Variants in ITGB5 observed in about 807,000 individuals in gnomAD.
ITGB5 encodes integrin subunit beta 5, also known as integrin beta-5.
A neutral mutation model predicts 84.8 loss-of-function variants in ITGB5; 38 were observed. The observed-to-expected ratio is 0.45, with a 90% CI of 0.35 to 0.59. The LOEUF is 0.59. Among genes scored for constraint, ITGB5 ranks in the 20% least tolerant of loss-of-function variants. The pLI is 0.01. For missense variants in ITGB5, 905 were observed against 1,034.5 expected (o/e 0.87, Z 1.72); for synonymous variants, 393 against 414.4 (o/e 0.95, Z 0.63).
chr3:124,811,351 A>G (rs1249764751), intron 8 of ITGB5, among the ~76,000 whole-genome samples: 1 of 152,234 alleles, frequency 6.6e-6, no homozygotes. Context: ...CAGGCCAAGT[A>G]GATGAAAATA....
At chr3:124,891,815 G>T (rs1029565527), upstream of ITGB5, among the ~76,000 whole-genome samples, 2 of 151,918 alleles carry the variant, frequency 1.3e-5, no homozygotes, top group Non-Finnish European at 2.9e-5. Flanking sequence ...CCAGCTACTT[G>T]GGAGGCTGAG....
rs953484591 is a variant in ITGB5, at chr3:124,763,291, C to T, written c.*332G>A. The T allele has an allele frequency of 1.7e-4, 38 of 218,612 alleles. No individual in the cohort carries two copies. The highest frequency in any genetic ancestry group is 3.1e-4 in the Non-Finnish European group (34 of 109,340). 13.5% of individuals were successfully genotyped at this position (218,612 alleles called of 1,614,324 possible). On this transcript the variant is annotated 3_prime_UTR_variant, in exon 15 of 15. Coordinates refer to ENST00000296181, the MANE Select transcript of ITGB5 (RefSeq NM_002213.5). ...TTCTTGTCTGGCCAGGCTGGGGGCC[C>T]AGCATTCCTGGAAGGGAGAGACAGC...
intron 5 of ITGB5, among the ~76,000 whole-genome samples, chr3:124,834,374 A>C (rs545716225): frequency 1.3e-5 from 2 of 151,138 alleles, no homozygotes; most frequent in East Asian, 3.9e-4. Context: ...TTTTGCTATG[A>C]ACCTAAAACT....
intron 4 of ITGB5, among the ~76,000 whole-genome samples, chr3:124,846,896 C>T (rs1234621433): frequency 3.3e-5 from 5 of 152,172 alleles, no homozygotes; most frequent in African/African-American, 9.7e-5. Flanking sequence ...GATTGCACCA[C>T]TGCACTCCAG....
In ITGB5 at chr3:124,793,376, A is replaced by T. The variant is rs551364560; in HGVS notation, c.1693+3012T>A. On this transcript the variant is annotated intron_variant, in intron 10 of 14. Transcript: ENST00000296181. ...TCTCTTTAAAAGAAAAACTGCTAAAAAGCCTGCCAGGCTGCTTAGAGCTTT... is the reference window on the plus strand; with the variant it reads ...TCTCTTTAAAAGAAAAACTGCTAAATAGCCTGCCAGGCTGCTTAGAGCTTT... Among the ~76,000 whole-genome samples the T allele has an allele frequency of 1.7e-3, 263 of 152,292 alleles. 1 individual carries two copies. The highest frequency in any genetic ancestry group is 2.4e-3 in the Non-Finnish European group (161 of 68,022).
At chr3:124,839,048 A>G (rs2064977371) in intron 5 of ITGB5, among the ~76,000 whole-genome samples, 1 of 152,250 alleles carries the variant, frequency 6.6e-6, no homozygotes, top group Non-Finnish European at 1.5e-5. Context: ...ATGTCAAGTG[A>G]GAAATAAATT....
At chr3:124,784,424 G>C (rs1487352871) in intron 10 of ITGB5, among the ~76,000 whole-genome samples, 2 of 152,204 alleles carry the variant, frequency 1.3e-5, no homozygotes, top group Non-Finnish European at 2.9e-5. Context: ...AGGATAGCTT[G>C]AGCCCAGGAG....
intron 12 of ITGB5, 51 bp downstream of exon 12, chr3:124,768,961 TC>T: frequency 6.9e-7 from 1 of 1,446,386 alleles, no homozygotes; most frequent in Non-Finnish European, 9.7e-7. Context: ...ACTACCCTCC[TC>T]CCCAGGAAGG....
intron 2 of ITGB5, among the ~76,000 whole-genome samples, chr3:124,867,236 A>G (rs2065405025): frequency 6.6e-6 from 1 of 151,846 alleles, no homozygotes; most frequent in African/African-American, 2.4e-5. Flanking sequence ...GTCTTCTCCC[A>G]TGCCCGACCC....
chr3:124,809,090 C>A lies in ITGB5; in HGVS notation c.1195G>T (p.Ala399Ser). The A allele has an allele frequency of 6.2e-7, 1 of 1,614,030 alleles. No homozygotes were observed. Among genetic ancestry groups the A allele is most frequent in the Non-Finnish European group, 8.5e-7 (1 of 1,179,934 alleles). The change falls in exon 9 of 15, where the codon GCT (alanine) becomes TCT (serine). Residue 399 changes from alanine (A) to serine (S), a missense_variant. Physicochemically the swap from Ala to Ser is moderately conservative, Grantham distance 99. This residue lies in a region of ITGB5 where 656 missense variants were observed against 734.7 expected (regional missense o/e 0.89). Coordinates refer to ENST00000296181, the MANE Select transcript of ITGB5 (RefSeq NM_002213.5). ...QPEDLNLFFT[A>S]TCQDGVSYPG... is the part of the protein sequence containing the mutation. ...TAGGATACCCCATCTTGGCAGGTAG[C>A]AGTAAAGAAGAGATTAAGATCCTCA...
At chr3:124,867,423 A>G (rs1210405843) in intron 2 of ITGB5, among the ~76,000 whole-genome samples, 4 of 152,220 alleles carry the variant, frequency 2.6e-5, no homozygotes, top group Admixed American at 1.3e-4. Context: ...AACTTCTGCA[A>G]ACCCTAAGTG....
chr3:124,846,692 G>C (rs1039489531), intron 4 of ITGB5, among the ~76,000 whole-genome samples: 1 of 152,150 alleles, frequency 6.6e-6, no homozygotes, highest in African/African-American at 2.4e-5. Context: ...CCAGCACTTT[G>C]GGAGGCTGAG....
At chr3:124,818,026 T>G (rs1428641771) in intron 7 of ITGB5, among the ~76,000 whole-genome samples, 2 of 151,912 alleles carry the variant, frequency 1.3e-5, no homozygotes, top group Non-Finnish European at 2.9e-5. Context: ...AAAGCCCATC[T>G]TCTAAGGTCG....
intron 9 of ITGB5, among the ~76,000 whole-genome samples, chr3:124,805,092 TTCTC>T (rs533399464): frequency 8.9e-5 from 13 of 145,560 alleles, no homozygotes; most frequent in South Asian, 4.6e-4. Context: ...GTTTCTTTCT[TTCTC>T]TCTCTCTCTC....
chr3:124,792,846 T>C (rs186867714), intron 10 of ITGB5: 1 of 152,236 alleles, frequency 6.6e-6, no homozygotes, highest in East Asian at 1.9e-4. Flanking sequence ...CAGGATTAAC[T>C]TAGGATTGTG....
chr3:124,828,147 A>G (rs1186123770), intron 5 of ITGB5, among the ~76,000 whole-genome samples: 2 of 152,204 alleles, frequency 1.3e-5, no homozygotes, highest in Non-Finnish European at 2.9e-5. Flanking sequence ...TTTCTTAAAA[A>G]GTTAAAGACC....
At chr3:124,764,704 A>C in intron 13 of ITGB5, 147 bp from the exon 14 acceptor site, 1 of 705,660 alleles carries the variant, frequency 1.4e-6, no homozygotes, top group South Asian at 2.3e-5. Context: ...GGGTTTCCCC[A>C]ATGTACAAAA....
intron 1 of ITGB5, among the ~76,000 whole-genome samples, chr3:124,873,986 C>T (rs1470451934): frequency 6.6e-6 from 1 of 151,514 alleles, no homozygotes; most frequent in African/African-American, 2.4e-5. Context: ...CTGAAAGAAG[C>T]CATGCATCCC....
At chr3:124,856,435 G>T (rs2065223601) in intron 3 of ITGB5, among the ~76,000 whole-genome samples, 1 of 152,200 alleles carries the variant, frequency 6.6e-6, no homozygotes, top group Admixed American at 6.5e-5. Flanking sequence ...AGCTATTCTA[G>T]ATGAGGAGTT....
Sources: allele counts gnomAD v4.1 joint callset (sites outside exome capture counted in the v4.1 genomes callset), GRCh38; gene constraint gnomAD v4.1.1; regional missense constraint gnomAD v4.1.1; transcripts MANE v1.5; gene names NCBI Gene and HGNC (gene_info 2026-07-23, HGNC 2026-07-21).